LRRC4C: variants seen among roughly 807,000 people sequenced by gnomAD.
The protein encoded by LRRC4C is leucine rich repeat containing 4C, also known as leucine-rich repeat-containing protein 4C.
LRRC4C carries 5 observed loss-of-function variants against 33.6 expected under a neutral mutation model. That is an observed-to-expected ratio of 0.15 (90% CI 0.08 to 0.31). The LOEUF (loss-of-function observed/expected upper bound fraction) is 0.31. LRRC4C is among the 10% of genes least tolerant of loss of function. The pLI, the probability that LRRC4C is intolerant of heterozygous loss-of-function variation, is 1.00. For synonymous variants in LRRC4C, 329 were observed against 302.0 expected (o/e 1.09, Z -0.93); for missense variants, 560 against 796.7 (o/e 0.70, Z 3.58).
At chr11:40,602,561 G>A (rs1258438180) in intron 3 of LRRC4C, among the ~76,000 whole-genome samples, 1 of 151,956 alleles carries the variant, frequency 6.6e-6, no homozygotes. Context: ...AAAGGCAAGA[G>A]ATTTAAAAGA....
At chr11:41,403,697 T>C (rs998425365) in intron 1 of LRRC4C, among the ~76,000 whole-genome samples, 2 of 152,108 alleles carry the variant, frequency 1.3e-5, no homozygotes, top group African/African-American at 4.8e-5. Flanking sequence ...TTATTGTATT[T>C]CTACAACATG....
Position 40,115,459 on chromosome 11 carries a change from A to G in LRRC4C, c.834T>C (p.Asn278=). ...SLVEINLAHN[N]LTLLPHDLFT... is the part of the protein sequence containing the mutation. ...AGAGGTCATGAGGCAGTAATGTTAG[A>G]TTATTGTGTGCCAGGTTGATCTCCA... is the stretch of plus-strand genomic sequence containing the variant. Residue 278 remains asparagine (N), a synonymous_variant, in exon 7 of 7, where the codon AAT becomes AAC. Transcript: ENST00000528697. The surrounding 1 kb of genome is among the most constrained non-coding windows in gnomAD (Gnocchi z 6.7). 1 of 1,614,162 alleles carries G rather than the reference A, an allele frequency of 6.2e-7. No individual in the cohort carries two copies. Among genetic ancestry groups the G allele is most frequent in the Non-Finnish European group, 8.5e-7 (1 of 1,180,026 alleles).
intron 1 of LRRC4C, among the ~76,000 whole-genome samples, chr11:41,456,072 G>T (rs1403523584): frequency 6.6e-6 from 1 of 152,122 alleles, no homozygotes; most frequent in Admixed American, 6.6e-5. Context: ...GTCCCTGAGA[G>T]GTTGTTCTGA....
chr11:40,600,911 T>C (rs12804779), intron 3 of LRRC4C, among the ~76,000 whole-genome samples: 2 of 152,182 alleles, frequency 1.3e-5, no homozygotes, highest in Non-Finnish European at 2.9e-5. Context: ...ACAATGGTCA[T>C]AGAAAGATCA....
chr11:41,393,906 A>C (rs1953702794), intron 1 of LRRC4C, among the ~76,000 whole-genome samples: 1 of 151,988 alleles, frequency 6.6e-6, no homozygotes, highest in Non-Finnish European at 1.5e-5. Flanking sequence ...CTCCTCACCA[A>C]CTAGTCTATA....
At chr11:40,226,561 T>C (rs1864811388) in intron 5 of LRRC4C, among the ~76,000 whole-genome samples, 1 of 152,182 alleles carries the variant, frequency 6.6e-6, no homozygotes, top group Non-Finnish European at 1.5e-5. Flanking sequence ...TTGCTTATGC[T>C]TGAAAGTGGT....
intron 1 of LRRC4C, among the ~76,000 whole-genome samples, chr11:41,301,727 A>G (rs866540869): frequency 2.6e-5 from 4 of 152,100 alleles, no homozygotes; most frequent in African/African-American, 7.2e-5. Flanking sequence ...ACTCCCCCCA[A>G]TTTCATCAGA....
intron 6 of LRRC4C, among the ~76,000 whole-genome samples, chr11:40,139,130 C>T (rs147368619): frequency 2.6e-5 from 4 of 152,086 alleles, no homozygotes; most frequent in East Asian, 1.9e-4. Flanking sequence ...GAGGAGGCGG[C>T]GAGAACTGAG....
intron 3 of LRRC4C, among the ~76,000 whole-genome samples, chr11:40,494,669 G>C (rs948951965): frequency 3.3e-5 from 5 of 152,076 alleles, no homozygotes; most frequent in African/African-American, 1.2e-4. Flanking sequence ...CATATGCCCT[G>C]GTAAAGATGA....
intron 3 of LRRC4C, among the ~76,000 whole-genome samples, chr11:40,525,047 G>T (rs1247268808): frequency 2.3e-5 from 3 of 130,192 alleles, no homozygotes; most frequent in Non-Finnish European, 5.2e-5. Flanking sequence ...CAAGAATACA[G>T]CATAGCAAGA....
chr11:40,486,980 C>T (rs369595258), intron 3 of LRRC4C, among the ~76,000 whole-genome samples: 4 of 152,022 alleles, frequency 2.6e-5, no homozygotes, highest in African/African-American at 7.2e-5. Context: ...ATTAGGTCCA[C>T]GGAAAACCTC....
At chr11:40,159,959 C>T (rs1180806695) in intron 5 of LRRC4C, among the ~76,000 whole-genome samples, 1 of 151,970 alleles carries the variant, frequency 6.6e-6, no homozygotes. Flanking sequence ...AATAAAGAAC[C>T]CTGTTTAATT....
Position 40,927,305 on chromosome 11 carries a change from C to A in LRRC4C, c.-407+6330G>T, listed in dbSNP as rs142436002. Among the ~76,000 whole-genome samples, 222 of 151,030 alleles carry A rather than the reference C, an allele frequency of 1.5e-3. 2 individuals are homozygous for A. The highest frequency in any genetic ancestry group is 5.3e-3 in the African/African-American group (218 of 41,166). The stretch of plus-strand genomic sequence containing the variant: ...AGAAGAATCACTTGAACCCGAGAGG[C>A]GGAGGTTGCAATGAGCCAAGATCAT... On this transcript the variant is annotated intron_variant, in intron 2 of 6. Transcript: ENST00000528697.
At chr11:41,114,768 T>C (rs1942029640) in intron 1 of LRRC4C, among the ~76,000 whole-genome samples, 1 of 152,122 alleles carries the variant, frequency 6.6e-6, no homozygotes, top group Non-Finnish European at 1.5e-5. Context: ...ATTTAAAACT[T>C]AGTTCAGCTA....
At chr11:40,800,178 G>A (rs183825939) in intron 2 of LRRC4C, among the ~76,000 whole-genome samples, 1 of 152,100 alleles carries the variant, frequency 6.6e-6, no homozygotes, top group African/African-American at 2.4e-5. Flanking sequence ...CTTTCCCACT[G>A]ATTGTGAGGG....
intron 1 of LRRC4C, among the ~76,000 whole-genome samples, chr11:41,164,421 T>C (rs1027066621): frequency 6.6e-6 from 1 of 152,182 alleles, no homozygotes; most frequent in Non-Finnish European, 1.5e-5. Flanking sequence ...TGTTTTATAG[T>C]TACCTTTTTT....
chr11:41,148,015 G>T (rs1943806841), intron 1 of LRRC4C, among the ~76,000 whole-genome samples: 2 of 151,964 alleles, frequency 1.3e-5, no homozygotes, highest in African/African-American at 4.8e-5. Flanking sequence ...TAAAGCATGA[G>T]AATATTTTTT....
chr11:41,305,026 G>A (rs1950443612), intron 1 of LRRC4C, among the ~76,000 whole-genome samples: 2 of 44,940 alleles, frequency 4.5e-5, no homozygotes, highest in Admixed American at 2.4e-4. Context: ...CCGGCCAGCC[G>A]CCCCGTCCGG....
chr11:40,148,281 CTA>C (rs1691541503), intron 5 of LRRC4C, among the ~76,000 whole-genome samples: 1 of 152,172 alleles, frequency 6.6e-6, no homozygotes, highest in African/African-American at 2.4e-5. Context: ...AATGGTTGAG[CTA>C]ATGTACACTC....
Sources: allele counts gnomAD v4.1 joint callset (sites outside exome capture counted in the v4.1 genomes callset), GRCh38; gene constraint gnomAD v4.1.1; non-coding constraint Gnocchi (gnomAD v3.1); transcripts MANE v1.5; gene names NCBI Gene and HGNC (gene_info 2026-07-23, HGNC 2026-07-21).